Variants in C1orf185 observed in about 807,000 individuals in gnomAD.
The protein encoded by C1orf185 is chromosome 1 open reading frame 185.
In C1orf185, 13 loss-of-function variants were observed where a neutral mutation model predicts 16.1. The observed-to-expected ratio is 0.81, with a 90% CI of 0.53 to 1.28. The LOEUF (loss-of-function observed/expected upper bound fraction) is 1.28. Among genes scored for constraint, C1orf185 ranks in the 50% most tolerant of loss-of-function variants. C1orf185 has a pLI of 0.00. For missense variants in C1orf185, 220 were observed against 225.2 expected (o/e 0.98, Z 0.15); for synonymous variants, 80 against 76.9 (o/e 1.04, Z -0.21).
chr1:51,134,928 A>G (rs996679266), intron 3 of C1orf185, among the ~76,000 whole-genome samples: 3 of 151,806 alleles, frequency 2.0e-5, no homozygotes, highest in Admixed American at 1.3e-4. Context: ...TGCAAAGAAG[A>G]GCTAGTACCA....
At position 51,118,640 on chromosome 1, in the gene C1orf185, A is replaced by G. The variant is rs192314527; in HGVS notation, c.123-26A>G. The stretch of plus-strand genomic sequence containing the variant: ...TTTTATAATCTAACTCAGGTTTAAT[A>G]ATATTCTTTATAAAATATTTTTCAG... On this transcript the variant is annotated intron_variant, in intron 2 of 4. Coordinates refer to ENST00000371759, the MANE Select transcript of C1orf185 (RefSeq NM_001136508.2). The G allele has an allele frequency of 9.3e-5, 118 of 1,266,022 alleles. No individual in the cohort carries two copies. The African/African-American group carries it at 1.6e-3, about 18-fold the overall frequency. The allele number at this position is 1,266,022 out of a possible 1,614,324, so 78.4% of individuals were successfully genotyped here.
chr1:51,146,975 T>G lies in C1orf185; in HGVS notation c.296-492T>G, dbSNP rs1225266195. Among the ~76,000 whole-genome samples the G allele has an allele frequency of 2.6e-5, 4 of 152,252 alleles. No individual in the cohort carries two copies. In the East Asian group the frequency reaches 5.8e-4, roughly 22 times the overall value. ...CTTATTTTAAAGTGAAACAAATTAGTTATAAAATCCTTTGCTCCAAGTAGA... is the reference window on the plus strand; with the variant it reads ...CTTATTTTAAAGTGAAACAAATTAGGTATAAAATCCTTTGCTCCAAGTAGA... On this transcript the variant is annotated intron_variant, in intron 4 of 4. Transcript: ENST00000371759.
At position 51,118,772 on chromosome 1, in the gene C1orf185, A is replaced by G. The variant is rs1237609162; in HGVS notation, c.229A>G (p.Asn77Asp). Residue 77 changes from asparagine to aspartate, a missense_variant, in exon 3 of 5, where the codon AAT becomes GAT. Transcript: ENST00000371759. ...TTCTCAGTGTGTTTTTATTTCTCGAAATTTTCATACTGGGAGATTCCAATT... is the reference window on the plus strand; with the variant it reads ...TTCTCAGTGTGTTTTTATTTCTCGAGATTTTCATACTGGGAGATTCCAATT... Reference protein sequence around the residue: ...SHSQCVFISRNFHTGRFQLQE... With the variant: ...SHSQCVFISRDFHTGRFQLQE... 5 of 1,478,642 alleles carry G rather than the reference A, an allele frequency of 3.4e-6. No individual in the cohort carries two copies. The South Asian group carries it at 5.7e-5, about 17-fold the overall frequency. The allele number at this position is 1,478,642 out of a possible 1,614,324, so 91.6% of individuals were successfully genotyped here. A position where few individuals can be genotyped will look rare whatever the true frequency, so the allele number is the denominator to read the frequency against.
Position 51,113,209 on chromosome 1 carries a change from T to C in C1orf185, c.122+640T>C, listed in dbSNP as rs185529977. On this transcript the variant is annotated intron_variant, in intron 2 of 4. Transcript: ENST00000371759. ...CCAATTTTAGAGATTGAAAACATTA[T>C]AGAAAAGGAAAGAAACTTTTTCTTT... is the stretch of plus-strand genomic sequence containing the variant. Among the ~76,000 whole-genome samples, 703 of 152,144 alleles carry C rather than the reference T, an allele frequency of 4.6e-3. 5 individuals carry two copies. Among genetic ancestry groups the C allele is most frequent in the African/African-American group, 0.016 (667 of 41,498 alleles).
intron 3 of C1orf185, among the ~76,000 whole-genome samples, chr1:51,143,262 C>A (rs1023376971): frequency 3.9e-5 from 6 of 152,166 alleles, no homozygotes; most frequent in Non-Finnish European, 8.8e-5. Flanking sequence ...ATTACTTGCG[C>A]CTGAGTAAAT....
intron 3 of C1orf185, among the ~76,000 whole-genome samples, chr1:51,137,220 C>A (rs980786724): frequency 2.6e-5 from 4 of 152,096 alleles, no homozygotes; most frequent in African/African-American, 9.7e-5. Flanking sequence ...TACCATCTCA[C>A]CAGTCAGAAT....
intron 4 of C1orf185, among the ~76,000 whole-genome samples, chr1:51,146,521 A>C (rs1046574135): frequency 2.6e-5 from 4 of 152,068 alleles, no homozygotes; most frequent in Non-Finnish European, 4.4e-5. Flanking sequence ...TTTAAAAAGA[A>C]AAGTTAATAT....
intron 3 of C1orf185, among the ~76,000 whole-genome samples, chr1:51,135,102 A>G (rs572725375): frequency 9.8e-5 from 15 of 152,364 alleles, no homozygotes; most frequent in African/African-American, 3.6e-4. Flanking sequence ...ATCCTCAACA[A>G]AATACTGGCA....
intron 1 of C1orf185, among the ~76,000 whole-genome samples, chr1:51,111,935 T>C (rs577859729): frequency 1.1e-4 from 17 of 152,358 alleles, no homozygotes; most frequent in African/African-American, 3.1e-4. Flanking sequence ...GTGTTGGGAT[T>C]ACAGGCATGA....
chr1:51,151,677 TTTTA>T (rs991304623), downstream of C1orf185, among the ~76,000 whole-genome samples: 3 of 152,032 alleles, frequency 2.0e-5, no homozygotes, highest in African/African-American at 7.2e-5. Flanking sequence ...TTTATTTTAT[TTTTA>T]TTTATTTATT....
chr1:51,105,572 A>G (rs1249896517), intron 1 of C1orf185, among the ~76,000 whole-genome samples: 1 of 152,110 alleles, frequency 6.6e-6, no homozygotes, highest in Admixed American at 6.6e-5. Context: ...TTATTGAGTA[A>G]CCAGTCATTA....
intron 3 of C1orf185, among the ~76,000 whole-genome samples, 159 bp downstream of exon 3, chr1:51,118,960 G>T (rs1646178323): frequency 6.6e-6 from 1 of 152,272 alleles, no homozygotes; most frequent in African/African-American, 2.4e-5. Flanking sequence ...AAACTGAAAA[G>T]CTAAATGAAA....
chr1:51,122,970 T>C (rs1276921325), intron 3 of C1orf185, among the ~76,000 whole-genome samples: 2 of 152,332 alleles, frequency 1.3e-5, no homozygotes, highest in East Asian at 3.9e-4. Context: ...CCAGAATACC[T>C]GAAACTGGGT....
chr1:51,118,458 A>T (rs1311764890), intron 2 of C1orf185, among the ~76,000 whole-genome samples: 1 of 152,216 alleles, frequency 6.6e-6, no homozygotes, highest in Admixed American at 6.5e-5. Context: ...TAAATGGCTT[A>T]ATTTATATTC....
intron 4 of C1orf185, among the ~76,000 whole-genome samples, 161 bp downstream of exon 4, chr1:51,145,921 T>G (rs1302230734): frequency 6.6e-6 from 1 of 152,126 alleles, no homozygotes; most frequent in Non-Finnish European, 1.5e-5. Flanking sequence ...GCATAAATTT[T>G]TTAGAAAAAA....
chr1:51,143,462 A>G (rs1313692513), intron 3 of C1orf185, among the ~76,000 whole-genome samples: 1 of 152,006 alleles, frequency 6.6e-6, no homozygotes, highest in African/African-American at 2.4e-5. Context: ...AGATGCCCAA[A>G]TTTTCCCAAA....
chr1:51,127,198 G>A (rs1646247975), intron 3 of C1orf185, among the ~76,000 whole-genome samples: 1 of 152,006 alleles, frequency 6.6e-6, no homozygotes, highest in Non-Finnish European at 1.5e-5. Context: ...ACAAACTACA[G>A]AACATTTTTA....
rs140836481 is a variant in C1orf185 at position 51,124,350 on chromosome 1, G to A, written c.258+5549G>A. ...GCCCACCTTGGCCTTCCAAAGTGCT[G>A]GGATTATAGGCGTGAGCCACTGTAC... On this transcript the variant is annotated intron_variant, in intron 3 of 4. Transcript: ENST00000371759. Among the ~76,000 whole-genome samples, 1,265 of 152,342 alleles carry A rather than the reference G, an allele frequency of 8.3e-3. 13 individuals are homozygous for A. The highest frequency in any genetic ancestry group is 0.029 in the African/African-American group (1,220 of 41,572).
At chr1:51,137,350 T>C (rs1406975594) in intron 3 of C1orf185, among the ~76,000 whole-genome samples, 1 of 151,574 alleles carries the variant, frequency 6.6e-6, no homozygotes. Flanking sequence ...CTGGCCAACA[T>C]GACAAAACCC....
Sources: gnomAD v4.1 joint callset for allele counts (sites outside exome capture counted in the v4.1 genomes callset) on GRCh38, gnomAD v4.1.1 for gene constraint, MANE v1.5 for transcripts, NCBI Gene and HGNC (gene_info 2026-07-23, HGNC 2026-07-21) for gene names.